The following PREX2 variants were observed in gnomAD, a reference collection of about 807,000 sequenced individuals.
The protein encoded by PREX2 is phosphatidylinositol-3,4,5-trisphosphate dependent Rac exchange factor 2.
Under a neutral mutation model 203.2 loss-of-function variants are expected in PREX2, and 107 were observed. The observed-to-expected ratio is 0.53, with a 90% CI of 0.45 to 0.62. The LOEUF (loss-of-function observed/expected upper bound fraction) is 0.62, where lower values mean the gene tolerates loss of function less well. Ranked by LOEUF, PREX2 falls within the 20% of genes least tolerant of loss-of-function variation. The probability of loss-of-function intolerance (pLI) is 0.00; values close to 1 mark genes in which losing one functional copy is unlikely to be tolerated. For missense variants in PREX2, 1,777 were observed against 1,955.9 expected (o/e 0.91, Z 1.72); for synonymous variants, 672 against 663.6 (o/e 1.01, Z -0.19).
intron 11 of PREX2, among the ~76,000 whole-genome samples, chr8:68,063,282 T>C (rs1184408565): frequency 6.6e-6 from 1 of 152,180 alleles, no homozygotes; most frequent in Non-Finnish European, 1.5e-5. Flanking sequence ...GGTTTAGCTT[T>C]TGTTTTTCGT....
chr8:68,065,830 C>G (rs1410357794), intron 11 of PREX2, among the ~76,000 whole-genome samples: 1 of 152,098 alleles, frequency 6.6e-6, no homozygotes, highest in Non-Finnish European at 1.5e-5. Context: ...TTTTATTAGA[C>G]TGTGTATAAA....
At chr8:67,986,670 C>CA (rs1355039127) in intron 1 of PREX2, among the ~76,000 whole-genome samples, 4 of 152,162 alleles carry the variant, frequency 2.6e-5, no homozygotes, top group Non-Finnish European at 5.9e-5. Context: ...GAGTTGCTGG[C>CA]ACCCAGCATG....
chr8:68,063,926 G>A (rs1361785578), intron 11 of PREX2, among the ~76,000 whole-genome samples: 1 of 152,168 alleles, frequency 6.6e-6, no homozygotes, highest in African/African-American at 2.4e-5. Flanking sequence ...GGTGAAAATA[G>A]AATTCCTAAA....
intron 31 of PREX2, among the ~76,000 whole-genome samples, chr8:68,131,996 G>A (rs1335955138): frequency 6.6e-6 from 1 of 152,102 alleles, no homozygotes; most frequent in Non-Finnish European, 1.5e-5. Flanking sequence ...TTTCAACAAA[G>A]ATGTAGGGCA....
At chr8:68,099,864 A>T in intron 23 of PREX2, 21 bp downstream of exon 23, 1 of 1,538,946 alleles carries the variant, frequency 6.5e-7, no homozygotes, top group South Asian at 1.1e-5. Context: ...TATTGATTTT[A>T]TACACAATTA....
chr8:67,979,052 T>A (rs544579184), intron 1 of PREX2, among the ~76,000 whole-genome samples: 1 of 152,340 alleles, frequency 6.6e-6, no homozygotes, highest in South Asian at 2.1e-4. Flanking sequence ...AAACATTTCA[T>A]CTGCTCAGAG....
At chr8:68,120,415 A>T in intron 29 of PREX2, 129 bp downstream of exon 29, 1 of 643,150 alleles carries the variant, frequency 1.6e-6, no homozygotes, top group Middle Eastern at 2.6e-4. Context: ...TTCACCAAAC[A>T]CTACTTCTAT....
At chr8:68,092,457 A>G (rs1202597184) in intron 20 of PREX2, among the ~76,000 whole-genome samples, 1 of 152,206 alleles carries the variant, frequency 6.6e-6, no homozygotes, top group African/African-American at 2.4e-5. Flanking sequence ...TTGATTTAAC[A>G]TCTTATCTAG....
chr8:68,230,969 A>G (rs750214698), intron 39 of PREX2, among the ~76,000 whole-genome samples: 3 of 152,200 alleles, frequency 2.0e-5, no homozygotes, highest in Non-Finnish European at 4.4e-5. Context: ...CAAAATAATC[A>G]TGATAGACAT....
intron 34 of PREX2, among the ~76,000 whole-genome samples, chr8:68,148,482 A>T (rs1585828678): frequency 6.6e-6 from 1 of 152,236 alleles, no homozygotes; most frequent in East Asian, 1.9e-4. Context: ...AAATTATTGC[A>T]TCTATGACAC....
intron 9 of PREX2, among the ~76,000 whole-genome samples, chr8:68,054,971 C>G (rs1165299886): frequency 1.3e-5 from 2 of 152,354 alleles, no homozygotes; most frequent in Middle Eastern, 3.4e-3. Context: ...TGCCTCCTAA[C>G]TATTTCTCAA....
chr8:67,970,552 T>C (rs1021199552), intron 1 of PREX2, among the ~76,000 whole-genome samples: 1 of 152,226 alleles, frequency 6.6e-6, no homozygotes, highest in Non-Finnish European at 1.5e-5. Context: ...CCTACAGAGA[T>C]TCTGTTGGGC....
chr8:68,153,443 T>G (rs1802571042), intron 34 of PREX2, among the ~76,000 whole-genome samples: 2 of 152,216 alleles, frequency 1.3e-5, no homozygotes, highest in African/African-American at 4.8e-5. Context: ...GCTGACTACC[T>G]AAATTTAATG....
At chr8:68,207,735 T>C (rs1382877523) in intron 37 of PREX2, among the ~76,000 whole-genome samples, 1 of 152,068 alleles carries the variant, frequency 6.6e-6, no homozygotes, top group Non-Finnish European at 1.5e-5. Flanking sequence ...GAAACAGAGT[T>C]TGAGGAGCTT....
chr8:68,053,323 G>A (rs887529823), intron 9 of PREX2, 77 bp downstream of exon 9: 2 of 1,467,240 alleles, frequency 1.4e-6, no homozygotes. Context: ...GGGAAAACAT[G>A]AGAAAATGGA....
intron 1 of PREX2, among the ~76,000 whole-genome samples, chr8:67,980,997 T>A (rs2129609184): frequency 6.6e-6 from 1 of 152,298 alleles, no homozygotes; most frequent in South Asian, 2.1e-4. Context: ...CTGGTGTAAG[T>A]AATCTAGGGG....
At chr8:68,151,135 T>C (rs1198016902) in intron 34 of PREX2, among the ~76,000 whole-genome samples, 1 of 152,020 alleles carries the variant, frequency 6.6e-6, no homozygotes, top group African/African-American at 2.4e-5. Flanking sequence ...CAAAATAAGG[T>C]CAGGGCTGAA....
At chr8:68,217,849 T>C in intron 38 of PREX2, 131 bp downstream of exon 38, 1 of 534,004 alleles carries the variant, frequency 1.9e-6, no homozygotes. Flanking sequence ...AGGTAACTCA[T>C]GAATGAGAAA....
chr8:68,062,585 A>C lies in PREX2; in HGVS notation c.1339+1806A>C, dbSNP rs141716792. On this transcript the variant is annotated intron_variant, in intron 11 of 39. Coordinates refer to ENST00000288368, the MANE Select transcript of PREX2 (RefSeq NM_024870.4). ...CCTTAGCTTTTGCTCTTCTCATTCAACAGTTATTTATTAATCCCTAATACA... is the reference window on the plus strand; with the variant it reads ...CCTTAGCTTTTGCTCTTCTCATTCACCAGTTATTTATTAATCCCTAATACA... 4.6e-3 allele frequency among the ~76,000 whole-genome samples: 701 copies of C among 152,244 alleles called. 2 individuals are homozygous for C. The highest frequency in any genetic ancestry group is 7.2e-3 in the Non-Finnish European group (491 of 68,006).
Sources: allele counts gnomAD v4.1 joint callset (sites outside exome capture counted in the v4.1 genomes callset), GRCh38; gene constraint gnomAD v4.1.1; transcripts MANE v1.5; gene names NCBI Gene and HGNC (gene_info 2026-07-23, HGNC 2026-07-21).